Variants in MACF1 observed in about 807,000 individuals in gnomAD.
MACF1 encodes microtubule-actin cross-linking factor 1.
In MACF1, 193 loss-of-function variants were observed where a neutral mutation model predicts 854.8. That is an observed-to-expected ratio of 0.23 (90% confidence interval 0.20 to 0.25). MACF1 has a LOEUF of 0.25. MACF1 is among the 10% of genes least tolerant of loss of function. MACF1 has a pLI of 1.00. For missense variants in MACF1, 7,722 were observed against 8,929.1 expected (o/e 0.86, Z 5.45); for synonymous variants, 3,185 against 3,226.7 (o/e 0.99, Z 0.44).
At chr1:39,205,577 T>C (rs572808612) in intron 1 of MACF1, among the ~76,000 whole-genome samples, 1 of 152,182 alleles carries the variant, frequency 6.6e-6, no homozygotes. Context: ...CTTGGTGTGT[T>C]TTGGGGTGAG....
chr1:39,162,561 G>C (rs908717015), intron 2 of MACF1, among the ~76,000 whole-genome samples: 1 of 151,980 alleles, frequency 6.6e-6, no homozygotes, highest in Non-Finnish European at 1.5e-5. Context: ...TGTTGCCATG[G>C]CACTTTAAAC....
chr1:39,292,624 A>G, intron 16 of MACF1, 142 bp from the exon 17 acceptor site: 1 of 618,950 alleles, frequency 1.6e-6, no homozygotes, highest in Non-Finnish European at 2.8e-6. Context: ...ATGACTCAGA[A>G]ATTTGTTGTC....
intron 2 of MACF1, among the ~76,000 whole-genome samples, chr1:39,169,773 C>CTTTTTTTTT (rs11335031): frequency 1.0e-5 from 1 of 97,498 alleles, no homozygotes; most frequent in Non-Finnish European, 2.0e-5. Context: ...TTCTTTCTTT[C>CTTTTTTTTT]TTTTTTTTTT....
rs376228353 is a variant in MACF1, at chr1:39,295,104, C to T, written c.2213C>T (p.Ala738Val). 27 of 1,613,942 alleles carry T rather than the reference C, an allele frequency of 1.7e-5. No homozygotes were observed. The highest frequency in any genetic ancestry group is 1.8e-5 in the Non-Finnish European group (21 of 1,179,992). The change falls in exon 19 of 101, where the codon GCA (alanine) becomes GTA (valine). Residue 738 changes from alanine (A) to valine (V), a missense_variant. Physicochemically the swap from Ala to Val is moderately conservative, Grantham distance 64. Transcript: ENST00000564288. ...QDVFRSLQDTAELLSLENHPA... is the reference protein window; with the variant it reads ...QDVFRSLQDTVELLSLENHPA... ...GTGTTTCGTTCTCTACAAGATACAG[C>T]AGAACTACTTTCACTTGAGAACCAC...
intron 2 of MACF1, among the ~76,000 whole-genome samples, chr1:39,179,295 T>C (rs975860800): frequency 6.6e-6 from 1 of 152,130 alleles, no homozygotes. Context: ...AGAGTTGGGG[T>C]GGGACTTAGC....
intron 58 of MACF1, among the ~76,000 whole-genome samples, chr1:39,389,351 G>GTGT (rs1224973157): frequency 7.9e-5 from 5 of 63,472 alleles, no homozygotes; most frequent in Admixed American, 2.7e-4. Context: ...GTTTTTGTGT[G>GTGT]TTTTTTTTTT....
chr1:39,445,556 TA>T (rs1195986805), intron 80 of MACF1, among the ~76,000 whole-genome samples: 2 of 152,204 alleles, frequency 1.3e-5, no homozygotes, highest in Non-Finnish European at 2.9e-5. Flanking sequence ...CAGAAGGGCA[TA>T]AAACACATGA....
chr1:39,311,655 T>G (rs920039647), intron 26 of MACF1, among the ~76,000 whole-genome samples: 1 of 152,168 alleles, frequency 6.6e-6, no homozygotes, highest in Admixed American at 6.5e-5. Flanking sequence ...AAGATCCTTG[T>G]TTTTTGGCTT....
Position 39,303,010 on chromosome 1 carries a change from G to A in MACF1, c.2721G>A (p.Glu907=), listed in dbSNP as rs1017503790. The change falls in exon 23 of 101, where the codon GAG becomes GAA. Residue 907 remains glutamate (E), a synonymous_variant. Transcript: ENST00000564288. ...KWKVISPTGN[E]AMVPSVCFLI... ...AAGTGATCAGCCCCACAGGGAACGAGGCAATGGTGCCGTCAGTCTGCTTCC... is the reference window on the plus strand; with the variant it reads ...AAGTGATCAGCCCCACAGGGAACGAAGCAATGGTGCCGTCAGTCTGCTTCC... 4 of 1,614,188 alleles carry A rather than the reference G, an allele frequency of 2.5e-6. No individual in the cohort carries two copies. Among genetic ancestry groups the A allele is most frequent in the African/African-American group, 1.3e-5 (1 of 75,050 alleles).
chr1:39,233,795 T>TG (rs1644816155), intron 2 of MACF1, among the ~76,000 whole-genome samples: 1 of 91,350 alleles, frequency 1.1e-5, no homozygotes, highest in Non-Finnish European at 2.6e-5. Flanking sequence ...TTTTTTTTTT[T>TG]TTATTTATTT....
intron 58 of MACF1, among the ~76,000 whole-genome samples, chr1:39,420,910 G>A (rs142167973): frequency 2.5e-4 from 36 of 144,918 alleles, no homozygotes; most frequent in African/African-American, 9.1e-4. Context: ...CTGTTGCCCA[G>A]GCTGGAGTGC....
intron 78 of MACF1, among the ~76,000 whole-genome samples, 192 bp downstream of exon 78, chr1:39,443,103 C>T (rs949672415): frequency 3.9e-5 from 6 of 152,230 alleles, no homozygotes; most frequent in African/African-American, 1.4e-4. Context: ...TCATTTCTAG[C>T]TCAGTCTCTT....
At chr1:39,091,332 C>T (rs80049806) in intron 2 of MACF1, among the ~76,000 whole-genome samples, 1 of 152,296 alleles carries the variant, frequency 6.6e-6, no homozygotes, top group East Asian at 1.9e-4. Context: ...TTTCATTGCT[C>T]ACTTGCTAAT....
intron 2 of MACF1, among the ~76,000 whole-genome samples, chr1:39,115,449 G>T (rs2148149394): frequency 6.6e-6 from 1 of 152,248 alleles, no homozygotes; most frequent in Non-Finnish European, 1.5e-5. Flanking sequence ...GTGTGGGTGG[G>T]TCGTGTCATG....
chr1:39,171,464 A>G (rs1643947767), intron 2 of MACF1, among the ~76,000 whole-genome samples: 1 of 152,064 alleles, frequency 6.6e-6, no homozygotes, highest in African/African-American at 2.4e-5. Flanking sequence ...ACCACTAATC[A>G]GCTTTGTGAC....
rs150077968 is a variant in MACF1 at position 39,223,880 on chromosome 1, A to T, written c.110-7302A>T. ...TCACTGAAGGATTTTAAGTTACAAG[A>T]TTAACCTTGCCAGAAAGGTTGCTGA... On this transcript the variant is annotated intron_variant, in intron 1 of 100. Transcript: ENST00000564288. Among the ~76,000 whole-genome samples, 45 of 152,204 alleles carry T rather than the reference A, an allele frequency of 3.0e-4. 1 individual carries two copies. Among genetic ancestry groups the T allele is most frequent in the Non-Finnish European group, 6.3e-4 (43 of 68,036 alleles).
intron 45 of MACF1, 147 bp from the exon 46 acceptor site, chr1:39,358,550 C>G (rs1354393249): frequency 1.2e-5 from 8 of 680,036 alleles, no homozygotes; most frequent in Non-Finnish European, 2.0e-5. Flanking sequence ...GAGATCATTG[C>G]TACCCATCTA....
chr1:39,156,489 TG>T (rs1240112658), intron 2 of MACF1, among the ~76,000 whole-genome samples: 2 of 152,126 alleles, frequency 1.3e-5, no homozygotes, highest in Non-Finnish European at 2.9e-5. Context: ...CATAGTGATG[TG>T]TGCCTGTAGT....
chr1:39,411,210 A>G lies in MACF1; in HGVS notation c.15817-11164A>G, dbSNP rs746965519. 1.6e-5 allele frequency: 26 copies of G among 1,613,852 alleles called. 1 individual carries two copies. The highest frequency in any genetic ancestry group is 2.2e-5 in the South Asian group (2 of 91,090). ...TAACCCCCAGCCTGAGAGAGAAAAC[A>G]GAGTCTGAGCTAAAGTTTGAGGAGG... On this transcript the variant is annotated intron_variant, in intron 58 of 100. Transcript: ENST00000564288.
Sources: allele counts gnomAD v4.1 joint callset (sites outside exome capture counted in the v4.1 genomes callset), GRCh38; gene constraint gnomAD v4.1.1; transcripts MANE v1.5; gene names NCBI Gene and HGNC (gene_info 2026-07-23, HGNC 2026-07-21).